The following NPC1 variants were observed in gnomAD, a reference collection of about 807,000 sequenced individuals.
NPC1 encodes the protein NPC intracellular cholesterol transporter 1, also known as Niemann-Pick C1 protein.
A neutral mutation model predicts 140.4 loss-of-function variants in NPC1; 85 were observed. The observed-to-expected ratio is 0.61, with a 90% CI of 0.51 to 0.72. NPC1 has a LOEUF of 0.72. NPC1 is among the 30% of genes least tolerant of loss of function. NPC1 has a pLI of 0.00. For synonymous variants in NPC1, 656 were observed against 624.8 expected (o/e 1.05, Z -0.74); for missense variants, 1,504 against 1,623.8 (o/e 0.93, Z 1.27).
Position 23,511,534 on chromosome 18 carries a change from T to C in NPC1, c.432-4892A>G, listed in dbSNP as rs372398828. On this transcript the variant is annotated intron_variant, in intron 3 of 3. Transcript: ENST00000591107. ...TGTAATATGGAAAGCAAATGTTCCC[T>C]ATAATCCCGATAAATAATTATTATG... is the stretch of plus-strand genomic sequence containing the variant. 5.3e-5 allele frequency among the ~76,000 whole-genome samples: 8 copies of C among 152,318 alleles called. No individual in the cohort carries two copies. The East Asian group carries it at 1.3e-3, about 26-fold the overall frequency.
chr18:23,541,270 CAAATT>C (rs2058709803), intron 15 of NPC1, 31 bp downstream of exon 15: 4 of 1,614,076 alleles, frequency 2.5e-6, no homozygotes, highest in East Asian at 2.2e-5. Context: ...ATTCTAGACT[CAAATT>C]AAATAGACTA....
At chr18:23,538,243 C>T (rs2145364931) in intron 20 of NPC1, among the ~76,000 whole-genome samples, 1 of 152,380 alleles carries the variant, frequency 6.6e-6, no homozygotes, top group Admixed American at 6.5e-5. Context: ...AGGCCGTCCT[C>T]TCCCTCAGCC....
chr18:23,546,187 TGCA>T (rs2058786027), intron 11 of NPC1, among the ~76,000 whole-genome samples: 1 of 132,522 alleles, frequency 7.5e-6, no homozygotes, highest in South Asian at 2.4e-4. Flanking sequence ...AGGCAGAGGC[TGCA>T]GCGAGCTGAG....
At chr18:23,516,742 T>C (rs2058017692) in intron 3 of NPC1, among the ~76,000 whole-genome samples, 1 of 148,536 alleles carries the variant, frequency 6.7e-6, no homozygotes, top group Admixed American at 6.8e-5. Flanking sequence ...TTTTTTTTTT[T>C]CGAGACAGAG....
Position 23,544,432 on chromosome 18 carries a change from G to A in NPC1, c.2042C>T (p.Pro681Leu). The change falls in exon 13 of 25, where the codon CCC becomes CTC. Residue 681 changes from proline (P) to leucine (L), a missense_variant. Transcript: ENST00000269228. Reference protein sequence around the residue: ...SLGVFSYIGLPLTLIVIEVIP... With the variant: ...SLGVFSYIGLLLTLIVIEVIP... Reference sequence around the variant, plus strand: ...GACTTCAATCACAATGAGGGTCAAGGGCAACCCAATGTAGCTGAAGACACC... The same window carrying A: ...GACTTCAATCACAATGAGGGTCAAGAGCAACCCAATGTAGCTGAAGACACC... 6.2e-7 allele frequency: 1 copy of A among 1,614,088 alleles called. No individual in the cohort carries two copies. The highest frequency in any genetic ancestry group is 8.5e-7 in the Non-Finnish European group (1 of 1,180,018).
At chr18:23,560,112 G>A (rs1405827433) in intron 6 of NPC1, 119 bp downstream of exon 6, 23 of 1,165,836 alleles carry the variant, frequency 2.0e-5, no homozygotes, top group Non-Finnish European at 2.8e-5. Flanking sequence ...TCCATGCAAT[G>A]GTATTCATGG....
chr18:23,558,701 G>C (rs1598981291), intron 6 of NPC1, among the ~76,000 whole-genome samples: 1 of 151,978 alleles, frequency 6.6e-6, no homozygotes, highest in East Asian at 1.9e-4. Flanking sequence ...TCGTGGTTTT[G>C]ATCATTGTAC....
chr18:23,561,195 A>G (rs2059033206), intron 5 of NPC1, among the ~76,000 whole-genome samples, 165 bp downstream of exon 5: 1 of 152,164 alleles, frequency 6.6e-6, no homozygotes, highest in African/African-American at 2.4e-5. Flanking sequence ...ATTCTTTCAT[A>G]GAGATGGGGC....
intron 3 of NPC1, among the ~76,000 whole-genome samples, chr18:23,570,878 C>T (rs947786306): frequency 2.0e-5 from 3 of 152,152 alleles, no homozygotes; most frequent in Non-Finnish European, 4.4e-5. Context: ...AACAGCTCCC[C>T]GAGGCCGGCT....
chr18:23,556,447 T>C lies in NPC1; in HGVS notation c.1122A>G (p.Thr374=), dbSNP rs2058952466. 6.2e-7 allele frequency: 1 copy of C among 1,613,976 alleles called. No individual in the cohort carries two copies. ...CSSGLVFVRV[T]TNPVDLWSAP... ...CTGACCAGAGGTCAACTGGATTGGT[T>C]GTGACCCGGACAAACACCAGGCCTG... Residue 374 remains threonine, a synonymous_variant, in exon 8 of 25, where the codon ACA becomes ACG. Transcript: ENST00000269228.
At chr18:23,522,217 G>T (rs1652337), downstream of NPC1, 29 of 152,184 alleles carry the variant, frequency 1.9e-4, no homozygotes, top group African/African-American at 6.3e-4. Flanking sequence ...TAGGTCTTTT[G>T]GCTTTCTGTG....
At chr18:23,583,196 GA>G (rs1309710643) in intron 1 of NPC1, among the ~76,000 whole-genome samples, 1 of 151,488 alleles carries the variant, frequency 6.6e-6, no homozygotes, top group Non-Finnish European at 1.5e-5. Context: ...TGCTCTTAAG[GA>G]GCCTGCAATT....
chr18:23,586,404 C>A lies in NPC1; in HGVS notation c.-61G>T. On this transcript the variant is annotated 5_prime_UTR_variant, in exon 1 of 25. Transcript: ENST00000269228. Reference sequence around the variant, plus strand: ...TTCGGCTGGTTGGGCTCCCCGGAGGCGGCTCTACTTCCCCGGGCTGTTTCA... The same window carrying A: ...TTCGGCTGGTTGGGCTCCCCGGAGGAGGCTCTACTTCCCCGGGCTGTTTCA... The A allele has an allele frequency of 6.5e-7, 1 of 1,528,520 alleles. No individual in the cohort carries two copies. 94.7% of individuals were successfully genotyped at this position (1,528,520 alleles called of 1,614,324 possible). A position where few individuals can be genotyped will look rare whatever the true frequency, so the allele number is the denominator to read the frequency against.
rs1454083299 is a variant in NPC1 at position 23,557,117 on chromosome 18, C to T, written c.955G>A (p.Gly319Arg). 6.2e-7 allele frequency: 1 copy of T among 1,608,666 alleles called. No individual in the cohort carries two copies. Among genetic ancestry groups the T allele is most frequent in the Non-Finnish European group, 8.5e-7 (1 of 1,175,298 alleles). The change falls in exon 7 of 25, where the codon GGA becomes AGA. Residue 319 changes from glycine to arginine, a missense_variant and splice_region_variant. By Grantham distance (125) the Gly-to-Arg change is moderately radical. Transcript: ENST00000269228. ...TTTATTCATGGACAAATATGCCTAC[C>T]TTTGTCACTTGCATTAACAGAAAAA... ...IAFSVNASDK[G>R]EASCCDPVSA... is the part of the protein sequence containing the mutation.
In NPC1 at chr18:23,535,639, C is replaced by A; in HGVS notation, c.3307G>T (p.Gly1103Cys). ...AGAAATATCGCGCCCAGGGACACAC[C>A]GAGGTTGAAGATAGTGTCGTCAATG... ...TIIDDTIFNL[G>C]VSLGAIFLVT... The change falls in exon 22 of 25, where the codon GGT becomes TGT. Residue 1103 changes from glycine (G) to cysteine (C), a missense_variant. Transcript: ENST00000269228. 1.2e-6 allele frequency: 2 copies of A among 1,614,044 alleles called. No individual in the cohort carries two copies. Among genetic ancestry groups the A allele is most frequent in the Non-Finnish European group, 1.7e-6 (2 of 1,180,010 alleles).
chr18:23,528,127 CTG>C, downstream of NPC1: 1 of 443,680 alleles, frequency 2.3e-6, no homozygotes, highest in South Asian at 3.4e-5. Flanking sequence ...CATACCTTCA[CTG>C]TTTTTGTTTT....
intron 4 of NPC1, among the ~76,000 whole-genome samples, chr18:23,562,506 TG>T (rs2059058234): frequency 6.6e-6 from 1 of 152,010 alleles, no homozygotes; most frequent in Non-Finnish European, 1.5e-5. Flanking sequence ...TTCAAGGAGA[TG>T]CTTACACATT....
chr18:23,545,783 G>A (rs1193411977), intron 11 of NPC1, among the ~76,000 whole-genome samples: 3 of 151,968 alleles, frequency 2.0e-5, no homozygotes, highest in Admixed American at 1.3e-4. Context: ...TGTAGAGATG[G>A]GGTCTTTGCC....
At chr18:23,564,112 G>T (rs2059086641) in intron 4 of NPC1, among the ~76,000 whole-genome samples, 1 of 147,184 alleles carries the variant, frequency 6.8e-6, no homozygotes. Flanking sequence ...AGCCTCCTGA[G>T]TAGCTGGGAT....
Sources: allele counts gnomAD v4.1 joint callset (sites outside exome capture counted in the v4.1 genomes callset), GRCh38; gene constraint gnomAD v4.1.1; transcripts MANE v1.5; gene names NCBI Gene and HGNC (gene_info 2026-07-23, HGNC 2026-07-21).